Variants in CSMD3 observed in about 807,000 individuals in gnomAD.
CSMD3 encodes the protein CUB and Sushi multiple domains 3, also known as CUB and sushi domain-containing protein 3.
CSMD3 carries 177 observed loss-of-function variants against 435.2 expected under a neutral mutation model. The ratio of observed to expected loss-of-function variants is 0.41; its 90% CI spans 0.36 to 0.46. CSMD3 has a LOEUF of 0.46. CSMD3 is among the 20% of genes least tolerant of loss of function. CSMD3 has a pLI of 0.34. For synonymous variants in CSMD3, 1,656 were observed against 1,520.5 expected, an observed-to-expected ratio of 1.09 and a Z score of -2.07; for missense variants, 4,265 against 4,504.6, an observed-to-expected ratio of 0.95 and a Z score of 1.52.
At chr8:112,942,644 A>G (rs552013981) in intron 9 of CSMD3, among the ~76,000 whole-genome samples, 1 of 151,926 alleles carries the variant, frequency 6.6e-6, no homozygotes. Context: ...CTCACTTACA[A>G]GTAAGAACTA....
intron 1 of CSMD3, among the ~76,000 whole-genome samples, chr8:113,434,885 A>G (rs186628130): frequency 1.3e-5 from 2 of 151,946 alleles, no homozygotes; most frequent in Non-Finnish European, 2.9e-5. Context: ...CCTCCCCCTC[A>G]TCTGCCCCCG....
intron 7 of CSMD3, among the ~76,000 whole-genome samples, chr8:112,960,868 T>G (rs1203520930): frequency 6.6e-6 from 1 of 151,682 alleles, no homozygotes; most frequent in Non-Finnish European, 1.5e-5. Flanking sequence ...TAATGTACTC[T>G]CCATTTAAAA....
intron 60 of CSMD3, among the ~76,000 whole-genome samples, chr8:112,264,358 T>A (rs1472031989): frequency 6.6e-6 from 1 of 152,150 alleles, no homozygotes; most frequent in Non-Finnish European, 1.5e-5. Context: ...TTTTTAATTT[T>A]TTTAAAAAAT....
At chr8:112,290,318 A>G (rs1819639004) in intron 56 of CSMD3, among the ~76,000 whole-genome samples, 1 of 152,026 alleles carries the variant, frequency 6.6e-6, no homozygotes, top group Non-Finnish European at 1.5e-5. Flanking sequence ...TCAGTATATA[A>G]TACTCTACCA....
chr8:112,689,801 A>G (rs1259982645), intron 14 of CSMD3, 67 bp downstream of exon 14: 4 of 1,380,806 alleles, frequency 2.9e-6, no homozygotes, highest in Non-Finnish European at 3.1e-6. Flanking sequence ...GCAATTAATT[A>G]CAAAAGCAAT....
intron 13 of CSMD3, among the ~76,000 whole-genome samples, chr8:112,720,103 G>A (rs2076824736): frequency 6.6e-6 from 1 of 152,086 alleles, no homozygotes; most frequent in Non-Finnish European, 1.5e-5. Context: ...TTGAATGGAA[G>A]TCTTTATTGA....
intron 24 of CSMD3, among the ~76,000 whole-genome samples, chr8:112,570,987 A>C (rs1358999080): frequency 6.6e-6 from 1 of 151,960 alleles, no homozygotes; most frequent in Non-Finnish European, 1.5e-5. Context: ...CCTTTAATGG[A>C]CAATTATTAA....
intron 10 of CSMD3, among the ~76,000 whole-genome samples, chr8:112,905,020 G>T (rs997319124): frequency 3.3e-5 from 5 of 151,142 alleles, no homozygotes; most frequent in African/African-American, 1.2e-4. Context: ...AATGGATTTG[G>T]TTCCAGCCTA....
intron 45 of CSMD3, among the ~76,000 whole-genome samples, chr8:112,331,586 G>C (rs886909673): frequency 1.3e-5 from 2 of 151,832 alleles, no homozygotes; most frequent in African/African-American, 4.8e-5. Flanking sequence ...CTCTTTTCCA[G>C]CACATTCAAA....
chr8:112,488,283 T>C (rs1820335744), intron 31 of CSMD3, among the ~76,000 whole-genome samples: 2 of 152,192 alleles, frequency 1.3e-5, no homozygotes, highest in Non-Finnish European at 2.9e-5. Flanking sequence ...TTTACAGATA[T>C]TTAACAAGAG....
At chr8:112,839,610 T>G (rs2080124088) in intron 11 of CSMD3, among the ~76,000 whole-genome samples, 1 of 151,870 alleles carries the variant, frequency 6.6e-6, no homozygotes, top group African/African-American at 2.4e-5. Context: ...ATCCAAAATA[T>G]TTTGAAAAAT....
intron 10 of CSMD3, among the ~76,000 whole-genome samples, chr8:112,919,676 TA>T (rs1317657389): frequency 6.6e-6 from 1 of 151,898 alleles, no homozygotes; most frequent in Non-Finnish European, 1.5e-5. Context: ...TGATGTTCAC[TA>T]TATTGCTCTT....
intron 10 of CSMD3, among the ~76,000 whole-genome samples, chr8:112,881,526 G>A (rs970641674): frequency 1.3e-5 from 2 of 151,968 alleles, no homozygotes; most frequent in African/African-American, 4.8e-5. Flanking sequence ...TGTAGCCCTT[G>A]GTATGAAAAT....
intron 3 of CSMD3, among the ~76,000 whole-genome samples, chr8:113,195,957 A>G (rs1046877411): frequency 3.3e-4 from 49 of 150,450 alleles, no homozygotes; most frequent in African/African-American, 1.1e-3. Context: ...TCTCATACAG[A>G]TATTAGAGGA....
At chr8:112,675,437 GA>G (rs2075750673) in intron 16 of CSMD3, among the ~76,000 whole-genome samples, 2 of 152,174 alleles carry the variant, frequency 1.3e-5, no homozygotes, top group Admixed American at 1.3e-4. Context: ...ATGTAATCCA[GA>G]AGGCCAATAT....
At chr8:112,656,763 T>C (rs2075267838) in intron 17 of CSMD3, among the ~76,000 whole-genome samples, 1 of 152,126 alleles carries the variant, frequency 6.6e-6, no homozygotes, top group Non-Finnish European at 1.5e-5. Context: ...TCTGCTTTTA[T>C]AATTATTTTT....
intron 27 of CSMD3, among the ~76,000 whole-genome samples, chr8:112,537,014 C>A (rs987442598): frequency 6.6e-6 from 1 of 151,580 alleles, no homozygotes; most frequent in African/African-American, 2.4e-5. Context: ...TTCTAGGGAC[C>A]ATTTTGGGGT....
chr8:112,690,593 C>A (rs926427129), intron 13 of CSMD3, among the ~76,000 whole-genome samples: 21 of 150,120 alleles, frequency 1.4e-4, no homozygotes, highest in East Asian at 4.0e-4. Context: ...CTAGACCCCC[C>A]CCCCCAACAA....
intron 4 of CSMD3, among the ~76,000 whole-genome samples, chr8:113,118,290 G>C (rs2090894184): frequency 1.3e-5 from 2 of 152,052 alleles, no homozygotes; most frequent in African/African-American, 4.8e-5. Flanking sequence ...CTGACTTATG[G>C]CATATATCTA....
Sources: gnomAD v4.1 joint callset for allele counts (sites outside exome capture counted in the v4.1 genomes callset) on GRCh38, gnomAD v4.1.1 for gene constraint, MANE v1.5 for transcripts, NCBI Gene and HGNC (gene_info 2026-07-23, HGNC 2026-07-21) for gene names.